The following ZNF385D variants were observed in gnomAD, a reference collection of about 807,000 sequenced individuals.
ZNF385D encodes the protein zinc finger protein 385D, also known as zinc finger protein 659.
ZNF385D carries 15 observed loss-of-function variants against 35.8 expected under a neutral mutation model. The observed-to-expected ratio is 0.42, with a 90% confidence interval of 0.28 to 0.64. The LOEUF is 0.64. Ranked by LOEUF, ZNF385D falls within the 30% of genes least tolerant of loss-of-function variation. ZNF385D has a pLI of 0.23. For missense variants in ZNF385D, 474 were observed against 494.6 expected (o/e 0.96, Z 0.39); for synonymous variants, 212 against 186.8 (o/e 1.13, Z -1.10).
intron 4 of ZNF385D, among the ~76,000 whole-genome samples, chr3:21,497,914 A>G (rs2125428030): frequency 6.6e-6 from 1 of 152,244 alleles, no homozygotes; most frequent in East Asian, 1.9e-4. Flanking sequence ...CAAATAGCCA[A>G]AGCAATCCTA....
intron 3 of ZNF385D, among the ~76,000 whole-genome samples, chr3:21,844,332 C>G (rs190297512): frequency 1.3e-5 from 2 of 151,048 alleles, no homozygotes; most frequent in East Asian, 1.9e-4. Flanking sequence ...CAATTGAGAA[C>G]AGAGGATCAC....
At chr3:21,526,412 G>T (rs1334184989) in intron 3 of ZNF385D, among the ~76,000 whole-genome samples, 3 of 152,020 alleles carry the variant, frequency 2.0e-5, no homozygotes, top group African/African-American at 7.2e-5. Context: ...GACTAGTTTT[G>T]TTTATATATT....
intron 1 of ZNF385D, among the ~76,000 whole-genome samples, chr3:21,694,327 G>A (rs1357079743): frequency 3.9e-5 from 6 of 151,916 alleles, no homozygotes; most frequent in South Asian, 2.1e-4. Context: ...GAGCCACCGC[G>A]CCCAGCCTAG....
intron 3 of ZNF385D, among the ~76,000 whole-genome samples, chr3:22,124,461 G>C (rs980826228): frequency 7.0e-6 from 1 of 142,622 alleles, no homozygotes; most frequent in African/African-American, 2.6e-5. Flanking sequence ...GGTATTGCTG[G>C]ATCACACAGT....
intron 3 of ZNF385D, among the ~76,000 whole-genome samples, chr3:21,758,924 T>C (rs544356398): frequency 1.4e-4 from 18 of 125,574 alleles, no homozygotes; most frequent in African/African-American, 5.2e-4. Context: ...CCACCTAGTA[T>C]GGTGCCTCAC....
intron 2 of ZNF385D, among the ~76,000 whole-genome samples, chr3:22,291,140 A>G (rs1048606139): frequency 1.3e-5 from 2 of 152,244 alleles, no homozygotes; most frequent in African/African-American, 4.8e-5. Flanking sequence ...AATTCAGTCC[A>G]TAATACTCCC....
chr3:21,576,427 G>A (rs572956171), intron 2 of ZNF385D, among the ~76,000 whole-genome samples: 1 of 152,238 alleles, frequency 6.6e-6, no homozygotes, highest in East Asian at 1.9e-4. Context: ...TGAGCTTAAG[G>A]GCATCTTCAG....
At chr3:22,243,086 G>A (rs1699583781) in intron 2 of ZNF385D, among the ~76,000 whole-genome samples, 1 of 150,826 alleles carries the variant, frequency 6.6e-6, no homozygotes, top group African/African-American at 2.5e-5. Context: ...CACTATCAAA[G>A]GAAAACTACA....
chr3:22,171,268 T>C (rs1450583344), intron 2 of ZNF385D, among the ~76,000 whole-genome samples: 1 of 152,178 alleles, frequency 6.6e-6, no homozygotes, highest in Non-Finnish European at 1.5e-5. Context: ...TGTATGCATA[T>C]ATTTGGAAGA....
At chr3:21,668,491 C>T (rs1406795736) in intron 1 of ZNF385D, among the ~76,000 whole-genome samples, 1 of 152,164 alleles carries the variant, frequency 6.6e-6, no homozygotes, top group Non-Finnish European at 1.5e-5. Context: ...TCTCAGAGCT[C>T]ACTTTCAGAA....
chr3:22,336,928 A>AAAAAAAAAAAC (rs1695193600), intron 2 of ZNF385D, among the ~76,000 whole-genome samples: 3 of 146,638 alleles, frequency 2.0e-5, no homozygotes, highest in Non-Finnish European at 3.0e-5. Context: ...AAAAAAAAAA[A>AAAAAAAAAAAC]AAAAAAAAAC....
chr3:22,270,828 T>A (rs115884879), intron 2 of ZNF385D, among the ~76,000 whole-genome samples: 1,526 of 152,152 alleles, frequency 0.01, 20 homozygotes, highest in African/African-American at 0.035. Context: ...CTTACTTATG[T>A]AATTTTCCTC....
chr3:21,440,501 G>T (rs1010604777), intron 4 of ZNF385D, among the ~76,000 whole-genome samples: 12 of 152,064 alleles, frequency 7.9e-5, no homozygotes, highest in African/African-American at 2.9e-4. Context: ...TGAGAAATCA[G>T]TGTAACATGG....
chr3:21,625,259 A>G (rs1040570780), intron 2 of ZNF385D, among the ~76,000 whole-genome samples: 1 of 152,048 alleles, frequency 6.6e-6, no homozygotes, highest in African/African-American at 2.4e-5. Context: ...CATTTTTCAG[A>G]TGCAGGCATT....
At chr3:21,684,431 CCTCTCTCTCTT>C (rs1326550925) in intron 1 of ZNF385D, among the ~76,000 whole-genome samples, 6 of 110,600 alleles carry the variant, frequency 5.4e-5, no homozygotes, top group East Asian at 2.6e-4. Flanking sequence ...CTCTCTCTCT[CCTCTCTCTCTT>C]TCTTTCTTTC....
intron 3 of ZNF385D, among the ~76,000 whole-genome samples, chr3:21,543,595 A>C (rs1158948032): frequency 2.0e-5 from 3 of 152,178 alleles, no homozygotes; most frequent in Non-Finnish European, 4.4e-5. Context: ...TCCATCCGAC[A>C]GTAATTAAGC....
chr3:22,244,817 C>A (rs1288653208), intron 2 of ZNF385D, among the ~76,000 whole-genome samples: 2 of 150,530 alleles, frequency 1.3e-5, no homozygotes, highest in South Asian at 2.2e-4. Flanking sequence ...GAATTTTTTT[C>A]CTTGATTTTT....
chr3:21,859,095 G>A (rs1277332590), intron 3 of ZNF385D, among the ~76,000 whole-genome samples: 4 of 152,036 alleles, frequency 2.6e-5, no homozygotes, highest in Non-Finnish European at 4.4e-5. Flanking sequence ...GTTTGAGGAA[G>A]GGATTCTTTC....
chr3:21,768,340 G>T (rs1162477222), intron 3 of ZNF385D, among the ~76,000 whole-genome samples: 2 of 151,984 alleles, frequency 1.3e-5, no homozygotes, highest in Non-Finnish European at 2.9e-5. Context: ...ATTAACATAA[G>T]AAATAAATTT....
Sources: allele counts gnomAD v4.1 joint callset (sites outside exome capture counted in the v4.1 genomes callset), GRCh38; gene constraint gnomAD v4.1.1; transcripts MANE v1.5; gene names NCBI Gene and HGNC (gene_info 2026-07-23, HGNC 2026-07-21).